SEM1: variants seen among roughly 807,000 people sequenced by gnomAD.
SEM1 encodes 26S proteasome complex subunit SEM1.
A neutral mutation model predicts 12.7 loss-of-function variants in SEM1; 3 were observed. That is an observed-to-expected ratio of 0.24 (90% CI 0.11 to 0.61). The LOEUF (loss-of-function observed/expected upper bound fraction) is 0.61. SEM1 is among the 20% of genes least tolerant of loss of function. SEM1 has a pLI of 0.88. For missense variants in SEM1, 59 were observed against 81.3 expected, an observed-to-expected ratio of 0.73 and a Z score of 1.06; for synonymous variants, 30 against 27.8, an observed-to-expected ratio of 1.08 and a Z score of -0.25.
At chr7:96,691,386 A>T (rs1480722606) in intron 2 of SEM1, among the ~76,000 whole-genome samples, 1 of 152,230 alleles carries the variant, frequency 6.6e-6, no homozygotes, top group African/African-American at 2.4e-5. Flanking sequence ...CTAGCAGTAA[A>T]GCACTAATTA....
intron 2 of SEM1, among the ~76,000 whole-genome samples, chr7:96,652,375 G>A (rs1052770392): frequency 1.3e-5 from 2 of 151,676 alleles, no homozygotes; most frequent in East Asian, 3.9e-4. Context: ...TATATATATT[G>A]TACATATTTT....
At chr7:96,597,716 A>G (rs1807048761) in intron 2 of SEM1, among the ~76,000 whole-genome samples, 3 of 151,752 alleles carry the variant, frequency 2.0e-5, no homozygotes, top group African/African-American at 7.3e-5. Flanking sequence ...CACCACATAC[A>G]CATGCACACA....
chr7:96,654,271 T>C (rs1328041308), intron 2 of SEM1, among the ~76,000 whole-genome samples: 2 of 151,952 alleles, frequency 1.3e-5, no homozygotes, highest in Non-Finnish European at 2.9e-5. Flanking sequence ...AGTTTCAGAT[T>C]TGAGTAGAAA....
downstream of SEM1, chr7:96,688,680 A>G (rs1789834737): frequency 9.7e-6 from 3 of 309,868 alleles, no homozygotes; most frequent in East Asian, 1.7e-4. Flanking sequence ...ATGAAATTTT[A>G]CTATCTATAT....
intron 2 of SEM1, among the ~76,000 whole-genome samples, chr7:96,522,611 C>T (rs2115647060): frequency 6.6e-6 from 1 of 151,266 alleles, no homozygotes; most frequent in East Asian, 2.0e-4. Flanking sequence ...GGCACAGTGG[C>T]TCACACCTGT....
intron 2 of SEM1, among the ~76,000 whole-genome samples, chr7:96,565,540 G>A (rs1031608372): frequency 2.6e-5 from 4 of 151,816 alleles, no homozygotes; most frequent in Non-Finnish European, 5.9e-5. Context: ...ATGTTCCAGA[G>A]ATAAATTCCT....
intron 2 of SEM1, among the ~76,000 whole-genome samples, chr7:96,631,518 A>G (rs1310993211): frequency 6.6e-6 from 1 of 152,148 alleles, no homozygotes; most frequent in Non-Finnish European, 1.5e-5. Flanking sequence ...TCGGTGATTC[A>G]AGACTGTTTT....
intron 2 of SEM1, among the ~76,000 whole-genome samples, chr7:96,609,099 G>A (rs1023355414): frequency 9.9e-5 from 15 of 152,114 alleles, no homozygotes; most frequent in Non-Finnish European, 2.2e-4. Flanking sequence ...ATCCTTGTCA[G>A]CACTTATTAT....
chr7:96,487,601 A>G (rs949194624), intron 1 of SEM1, among the ~76,000 whole-genome samples: 4 of 150,026 alleles, frequency 2.7e-5, no homozygotes, highest in African/African-American at 1.0e-4. Context: ...GGACATGGCA[A>G]GTATTCTTAC....
intron 2 of SEM1, among the ~76,000 whole-genome samples, chr7:96,641,240 CTCTTT>C (rs1808583260): frequency 1.3e-5 from 2 of 151,808 alleles, no homozygotes; most frequent in African/African-American, 4.8e-5. Flanking sequence ...TATTTATTCT[CTCTTT>C]TCTTTGAGAA....
In SEM1 at chr7:96,483,455, G is replaced by T; in HGVS notation, c.*404C>A. On this transcript the variant is annotated 3_prime_UTR_variant, in exon 4 of 4. Coordinates refer to the SEM1 transcript ENST00000356686. The stretch of plus-strand genomic sequence containing the variant: ...AGTCATATTTGTTAGGATGGGTAAG[G>T]TTGTGCTGCAGTAGCAACAAACCAT... The T allele has an allele frequency of 1.4e-5, 3 of 218,840 alleles. No individual in the cohort carries two copies. The South Asian group carries it at 1.9e-4, about 14-fold the overall frequency. The allele number at this position is 218,840 out of a possible 1,614,324, so 13.6% of individuals were successfully genotyped here. A position where few individuals can be genotyped will look rare whatever the true frequency, so the allele number is the denominator to read the frequency against.
intron 2 of SEM1, among the ~76,000 whole-genome samples, chr7:96,536,847 C>G (rs1804802199): frequency 6.6e-6 from 1 of 151,550 alleles, no homozygotes; most frequent in African/African-American, 2.4e-5. Context: ...ATAGCTGAGT[C>G]CTATTTTTCA....
At chr7:96,535,636 G>A (rs905788998) in intron 2 of SEM1, among the ~76,000 whole-genome samples, 1 of 151,560 alleles carries the variant, frequency 6.6e-6, no homozygotes, top group Non-Finnish European at 1.5e-5. Flanking sequence ...TTCCTCCCCA[G>A]TATCTGTTGT....
At chr7:96,557,490 A>C (rs1371216137) in intron 2 of SEM1, among the ~76,000 whole-genome samples, 34 of 97,194 alleles carry the variant, frequency 3.5e-4, no homozygotes, top group South Asian at 4.2e-4. Context: ...GGTGCCTCCC[A>C]GTTAGGCTGC....
At chr7:96,636,972 G>A (rs761283906) in intron 2 of SEM1, among the ~76,000 whole-genome samples, 50 of 152,028 alleles carry the variant, frequency 3.3e-4, no homozygotes, top group Admixed American at 5.9e-4. Context: ...ATTGAGGCAA[G>A]TATTCTCTGA....
At chr7:96,665,796 G>A (rs1351254742) in intron 2 of SEM1, among the ~76,000 whole-genome samples, 1 of 152,142 alleles carries the variant, frequency 6.6e-6, no homozygotes, top group Non-Finnish European at 1.5e-5. Flanking sequence ...GTCTCCAAGT[G>A]ATTCCAATGA....
intron 2 of SEM1, among the ~76,000 whole-genome samples, chr7:96,542,558 C>T (rs1465853396): frequency 6.6e-6 from 1 of 151,584 alleles, no homozygotes; most frequent in East Asian, 1.9e-4. Context: ...AGGACACGAA[C>T]TGATGATTCA....
chr7:96,581,014 T>G (rs1806382143), intron 2 of SEM1, among the ~76,000 whole-genome samples: 1 of 152,226 alleles, frequency 6.6e-6, no homozygotes. Context: ...TTGCCATTGC[T>G]TTTGGTGTTG....
chr7:96,498,931 T>C (rs998259377), upstream of SEM1, among the ~76,000 whole-genome samples: 2 of 152,164 alleles, frequency 1.3e-5, no homozygotes, highest in African/African-American at 4.8e-5. Context: ...ACATTTATTT[T>C]AATAGGTTTT....
Sources: gnomAD v4.1 joint callset for allele counts (sites outside exome capture counted in the v4.1 genomes callset) on GRCh38, gnomAD v4.1.1 for gene constraint, MANE v1.5 for transcripts, NCBI Gene and HGNC (gene_info 2026-07-23, HGNC 2026-07-21) for gene names.